Variants in KCNK2 observed in about 807,000 individuals in gnomAD.
The protein encoded by KCNK2 is potassium two pore domain channel subfamily K member 2, also known as potassium channel subfamily K member 2.
A neutral mutation model predicts 40.5 loss-of-function variants in KCNK2; 21 were observed. That is an observed-to-expected ratio of 0.52 (90% confidence interval 0.37 to 0.75). The LOEUF (loss-of-function observed/expected upper bound fraction) is 0.75, where lower values mean the gene tolerates loss of function less well. Ranked by LOEUF, KCNK2 falls within the 30% of genes least tolerant of loss-of-function variation. KCNK2 has a pLI of 0.00. For missense variants in KCNK2, 399 were observed against 531.6 expected, an observed-to-expected ratio of 0.75 and a Z score of 2.45; for synonymous variants, 191 against 202.2, an observed-to-expected ratio of 0.94 and a Z score of 0.47.
intron 6 of KCNK2, among the ~76,000 whole-genome samples, chr1:215,216,626 T>TA (rs1665974843): frequency 6.6e-6 from 1 of 151,570 alleles, no homozygotes. Flanking sequence ...ATAGTCTTAC[T>TA]AAAAAAGTAA....
At chr1:215,082,244 T>C (rs2102524228), upstream of KCNK2, 1 of 152,500 alleles carries the variant, frequency 6.6e-6, no homozygotes, top group South Asian at 2.1e-4. Flanking sequence ...TGGTGACTCC[T>C]TAACCCTTCC....
chr1:215,171,394 G>A (rs921552521), intron 4 of KCNK2, among the ~76,000 whole-genome samples: 1 of 152,044 alleles, frequency 6.6e-6, no homozygotes, highest in Admixed American at 6.6e-5. Context: ...AATTCACCTG[G>A]TTCATGTTGG....
At chr1:215,206,983 T>G (rs1445798117) in intron 6 of KCNK2, among the ~76,000 whole-genome samples, 2 of 152,214 alleles carry the variant, frequency 1.3e-5, no homozygotes, top group African/African-American at 4.8e-5. Context: ...ATTTCACTTC[T>G]CAATACTTAT....
At chr1:215,039,727 C>G (rs1271488696) in intron 1 of KCNK2, among the ~76,000 whole-genome samples, 1 of 152,112 alleles carries the variant, frequency 6.6e-6, no homozygotes, top group Non-Finnish European at 1.5e-5. Context: ...GTGCTTTTCT[C>G]AATTCAGACT....
intron 1 of KCNK2, among the ~76,000 whole-genome samples, chr1:215,027,958 A>G (rs1455660647): frequency 6.6e-6 from 1 of 152,182 alleles, no homozygotes; most frequent in South Asian, 2.1e-4. Flanking sequence ...TGTTCACAAT[A>G]TATCTTAATA....
At position 215,236,489 on chromosome 1, in the gene KCNK2, TAGC is replaced by T. The variant is rs1299332678; in HGVS notation, c.*1346_*1348del. ...TCTGACATTAGAGAAAAAGCTGTTA[TAGC>T]ACAATTTAAATTTTGAGAGTTTGCT... On this transcript the variant is annotated 3_prime_UTR_variant, in exon 7 of 7. Coordinates refer to ENST00000444842, the MANE Select transcript of KCNK2 (RefSeq NM_001017425.3). 6.6e-6 allele frequency: 1 copy of T among 152,584 alleles called. No homozygotes were observed. The highest frequency in any genetic ancestry group is 1.5e-5 in the Non-Finnish European group (1 of 68,034). 9.5% of individuals were successfully genotyped at this position (152,584 alleles called of 1,614,324 possible). A position where few individuals can be genotyped will look rare whatever the true frequency, so the allele number is the denominator to read the frequency against.
intron 3 of KCNK2, among the ~76,000 whole-genome samples, chr1:215,157,162 T>TA (rs1410224639): frequency 2.0e-5 from 3 of 152,168 alleles, no homozygotes; most frequent in Non-Finnish European, 4.4e-5. Context: ...CCATATCATC[T>TA]ATTAAAGATA....
chr1:215,064,328 T>C (rs912837056), intron 1 of KCNK2, among the ~76,000 whole-genome samples: 1 of 151,906 alleles, frequency 6.6e-6, no homozygotes, highest in African/African-American at 2.4e-5. Context: ...TACGTGTTTT[T>C]GTTTGTGTGT....
intron 6 of KCNK2, among the ~76,000 whole-genome samples, chr1:215,219,676 T>C (rs906451164): frequency 1.3e-5 from 2 of 152,220 alleles, no homozygotes; most frequent in African/African-American, 4.8e-5. Context: ...ATGCATATTT[T>C]TTTTGGAAAG....
At chr1:215,223,241 T>TAAAAAAAAAAAAAAAA (rs56890763) in intron 6 of KCNK2, among the ~76,000 whole-genome samples, 18 of 112,052 alleles carry the variant, frequency 1.6e-4, no homozygotes, top group African/African-American at 4.7e-4. Flanking sequence ...AGCTCTTTTC[T>TAAAAAAAAAAAAAAAA]AAAAAAAAAA....
intron 1 of KCNK2, among the ~76,000 whole-genome samples, chr1:215,061,748 C>T (rs112370412): frequency 6.6e-6 from 1 of 151,706 alleles, no homozygotes; most frequent in Non-Finnish European, 1.5e-5. Context: ...AAGGGAAGTA[C>T]ATTTTTTTTT....
chr1:215,026,633 A>G (rs1260899963), intron 1 of KCNK2, among the ~76,000 whole-genome samples: 1 of 151,820 alleles, frequency 6.6e-6, no homozygotes, highest in Non-Finnish European at 1.5e-5. Flanking sequence ...TGCCATCCCT[A>G]TATTGTTTTG....
At chr1:215,035,654 C>A (rs1024859820) in intron 1 of KCNK2, among the ~76,000 whole-genome samples, 1 of 151,998 alleles carries the variant, frequency 6.6e-6, no homozygotes, top group Non-Finnish European at 1.5e-5. Flanking sequence ...TGAATGAAAT[C>A]TTCGTTCTTT....
intron 1 of KCNK2, among the ~76,000 whole-genome samples, chr1:215,007,061 G>C (rs3001444): frequency 1.6e-5 from 1 of 64,262 alleles, no homozygotes; most frequent in Non-Finnish European, 3.2e-5. Flanking sequence ...ATATATATAT[G>C]TGTGTGTGTG....
intron 6 of KCNK2, among the ~76,000 whole-genome samples, chr1:215,233,838 A>T (rs1198535872): frequency 6.6e-6 from 1 of 152,208 alleles, no homozygotes; most frequent in Non-Finnish European, 1.5e-5. Flanking sequence ...GAGGATTATA[A>T]AGATTCCCAT....
intron 3 of KCNK2, among the ~76,000 whole-genome samples, chr1:215,167,559 A>G (rs1478367365): frequency 6.6e-6 from 1 of 152,172 alleles, no homozygotes; most frequent in Non-Finnish European, 1.5e-5. Flanking sequence ...AATAGTAACA[A>G]GTAGATATCC....
chr1:215,156,152 C>T (rs1481938755), intron 3 of KCNK2, among the ~76,000 whole-genome samples: 2 of 151,756 alleles, frequency 1.3e-5, no homozygotes, highest in African/African-American at 4.8e-5. Context: ...GGAAGATAGA[C>T]ATTAAAATGA....
At chr1:215,233,316 G>C (rs775466294) in intron 6 of KCNK2, among the ~76,000 whole-genome samples, 1 of 151,730 alleles carries the variant, frequency 6.6e-6, no homozygotes, top group Admixed American at 6.6e-5. Context: ...GAAATAAAAG[G>C]CCTGTTAAAA....
chr1:215,167,815 T>C (rs1330520713), intron 3 of KCNK2, among the ~76,000 whole-genome samples: 3 of 151,488 alleles, frequency 2.0e-5, no homozygotes, highest in East Asian at 1.9e-4. Context: ...AATAGAGAGA[T>C]AGAAGTAAGT....
Sources: allele counts gnomAD v4.1 joint callset (sites outside exome capture counted in the v4.1 genomes callset), GRCh38; gene constraint gnomAD v4.1.1; transcripts MANE v1.5; gene names NCBI Gene and HGNC (gene_info 2026-07-23, HGNC 2026-07-21).